The following NUAK1 variants were observed in gnomAD, a reference collection of about 807,000 sequenced individuals.
The protein encoded by NUAK1 is NUAK family kinase 1.
NUAK1 carries 26 observed loss-of-function variants against 56.9 expected under a neutral mutation model. The ratio of observed to expected loss-of-function variants is 0.46; its 90% CI spans 0.33 to 0.63. The LOEUF (loss-of-function observed/expected upper bound fraction) is 0.63. NUAK1 is among the 30% of genes least tolerant of loss of function. The pLI is 0.02. For missense variants in NUAK1, 727 were observed against 876.1 expected (o/e 0.83, Z 2.15); for synonymous variants, 337 against 336.0 (o/e 1.00, Z -0.03).
intron 1 of NUAK1, among the ~76,000 whole-genome samples, chr12:106,128,257 G>A (rs1407342127): frequency 6.6e-6 from 1 of 151,164 alleles, no homozygotes; most frequent in Non-Finnish European, 1.5e-5. Flanking sequence ...TCAGCCTACT[G>A]AGTAGTTGGG....
intron 1 of NUAK1, among the ~76,000 whole-genome samples, chr12:106,109,889 G>C (rs745809221): frequency 3.9e-5 from 6 of 152,180 alleles, no homozygotes; most frequent in Non-Finnish European, 8.8e-5. Flanking sequence ...CCCAGAGTGA[G>C]TGTTCTGTAA....
chr12:106,102,615 A>G (rs1380517986), intron 2 of NUAK1, among the ~76,000 whole-genome samples: 2 of 152,210 alleles, frequency 1.3e-5, no homozygotes, highest in Non-Finnish European at 2.9e-5. Context: ...ACCCCACGTT[A>G]TGAACTATTT....
intron 1 of NUAK1, among the ~76,000 whole-genome samples, chr12:106,107,744 C>CTGGTAACT (rs1216455438): frequency 3.3e-5 from 5 of 152,206 alleles, no homozygotes; most frequent in African/African-American, 1.2e-4. Context: ...CAGCTCTCCA[C>CTGGTAACT]CAAGCACTAC....
At chr12:106,072,104 A>C (rs1231812833) in intron 5 of NUAK1, among the ~76,000 whole-genome samples, 1 of 152,230 alleles carries the variant, frequency 6.6e-6, no homozygotes, top group Non-Finnish European at 1.5e-5. Context: ...ATGAATTAGA[A>C]GATGTCATTA....
At position 106,064,068 on chromosome 12, in the gene NUAK1, G is replaced by A. The variant is rs2032308446; in HGVS notation, c.*2734C>T. 6.6e-6 allele frequency: 1 copy of A among 152,654 alleles called. No individual in the cohort carries two copies. 9.5% of individuals were successfully genotyped at this position (152,654 alleles called of 1,614,324 possible). A position where few individuals can be genotyped will look rare whatever the true frequency, so the allele number is the denominator to read the frequency against. On this transcript the variant is annotated 3_prime_UTR_variant, in exon 7 of 7. Coordinates refer to ENST00000261402, the MANE Select transcript of NUAK1 (RefSeq NM_014840.3). ...GCAAGGCCCACAGAAGTAAGGAGAGGACCAGGAAAGCTGACAGTGAATCTC... is the reference window on the plus strand; with the variant it reads ...GCAAGGCCCACAGAAGTAAGGAGAGAACCAGGAAAGCTGACAGTGAATCTC...
intron 1 of NUAK1, among the ~76,000 whole-genome samples, chr12:106,126,559 G>A (rs1219868998): frequency 1.3e-5 from 2 of 152,212 alleles, no homozygotes; most frequent in African/African-American, 4.8e-5. Context: ...TCAGTGAGAT[G>A]ACACAGGCAA....
intron 1 of NUAK1, among the ~76,000 whole-genome samples, chr12:106,135,502 T>C (rs1185342831): frequency 6.6e-6 from 1 of 152,190 alleles, no homozygotes. Flanking sequence ...AACCATCACA[T>C]CCTCATTTTT....
At chr12:106,114,271 C>T (rs2032894879) in intron 1 of NUAK1, among the ~76,000 whole-genome samples, 1 of 152,166 alleles carries the variant, frequency 6.6e-6, no homozygotes, top group Admixed American at 6.5e-5. Context: ...CCAGAAGAAC[C>T]CGAGCCAGTA....
chr12:106,124,363 A>G (rs1462446273), intron 1 of NUAK1, among the ~76,000 whole-genome samples: 3 of 152,148 alleles, frequency 2.0e-5, no homozygotes, highest in African/African-American at 7.2e-5. Context: ...GAATTTTTAT[A>G]TCCTGGGATC....
chr12:106,128,123 CTTTTCT>C (rs1375680661), intron 1 of NUAK1, among the ~76,000 whole-genome samples: 1 of 140,600 alleles, frequency 7.1e-6, no homozygotes, highest in African/African-American at 2.9e-5. Context: ...CAAATTCTCT[CTTTTCT>C]TTTTCTTTTT....
chr12:106,127,859 G>A (rs2033038367), intron 1 of NUAK1, among the ~76,000 whole-genome samples: 1 of 152,116 alleles, frequency 6.6e-6, no homozygotes, highest in South Asian at 2.1e-4. Context: ...CACCTACTGT[G>A]TGCAATGCCC....
chr12:106,066,642 T>G lies in NUAK1; in HGVS notation c.*160A>C. The G allele has an allele frequency of 1.5e-6, 1 of 676,674 alleles. No individual in the cohort carries two copies. Among genetic ancestry groups the G allele is most frequent in the Non-Finnish European group, 2.6e-6 (1 of 387,208 alleles). 41.9% of individuals were successfully genotyped at this position (676,674 alleles called of 1,614,324 possible). A position where few individuals can be genotyped will look rare whatever the true frequency, so the allele number is the denominator to read the frequency against. On this transcript the variant is annotated 3_prime_UTR_variant, in exon 7 of 7. Coordinates refer to ENST00000261402, the MANE Select transcript of NUAK1 (RefSeq NM_014840.3). ...TGGCAGAAGAGCCCACCTCTCCCTT[T>G]TAGGTGTTGGCTCAAGGCTGCAAAC... is the stretch of plus-strand genomic sequence containing the variant.
intron 6 of NUAK1, 83 bp downstream of exon 6, chr12:106,070,691 C>A (rs2032396444): frequency 6.4e-7 from 1 of 1,562,228 alleles, no homozygotes; most frequent in Non-Finnish European, 8.8e-7. Flanking sequence ...GACAGACATA[C>A]TAAAACAAAA....
In NUAK1 at chr12:106,083,199, A is replaced by G. The variant is rs900110288; in HGVS notation, c.579+665T>C. Reference sequence around the variant, plus strand: ...CCATTTTAGTCAGCTTCCCAGGTCTATGGCTGGTTTCAGGGGTGGGAAGGT... The same window carrying G: ...CCATTTTAGTCAGCTTCCCAGGTCTGTGGCTGGTTTCAGGGGTGGGAAGGT... On this transcript the variant is annotated intron_variant, in intron 4 of 6. Coordinates refer to ENST00000261402, the MANE Select transcript of NUAK1 (RefSeq NM_014840.3). 1.5e-4 allele frequency among the ~76,000 whole-genome samples: 23 copies of G among 152,280 alleles called. 1 individual carries two copies. Among genetic ancestry groups the G allele is most frequent in the Admixed American group, 5.9e-4 (9 of 15,300 alleles).
chr12:106,089,172 G>A (rs922358180), intron 2 of NUAK1, among the ~76,000 whole-genome samples: 1 of 152,250 alleles, frequency 6.6e-6, no homozygotes, highest in African/African-American at 2.4e-5. Flanking sequence ...AGAGGGCAGC[G>A]GGTTTTCTAA....
Position 106,070,792 on chromosome 12 carries a change from C to G in NUAK1, c.814G>C (p.Glu272Gln). 1 of 1,614,190 alleles carries G rather than the reference C, an allele frequency of 6.2e-7. No homozygotes were observed. Among genetic ancestry groups the G allele is most frequent in the Non-Finnish European group, 8.5e-7 (1 of 1,180,042 alleles). The change falls in exon 6 of 7, where the codon GAG becomes CAG. Residue 272 changes from glutamate to glutamine, a missense_variant. Physicochemically the swap from Glu to Gln is conservative, Grantham distance 29. Transcript: ENST00000261402. ...IRQISSGEYR[E>Q]PTQPSDARGL... ...CACGCACCTGAGGGCTGTGTTGGCTCCCGGTACTCTCCGCTGCTGATTTGC... is the reference window on the plus strand; with the variant it reads ...CACGCACCTGAGGGCTGTGTTGGCTGCCGGTACTCTCCGCTGCTGATTTGC...
intron 2 of NUAK1, among the ~76,000 whole-genome samples, chr12:106,091,806 A>AC (rs2032638349): frequency 1.3e-5 from 2 of 152,178 alleles, no homozygotes; most frequent in Admixed American, 1.3e-4. Context: ...AAGAATAGTT[A>AC]ATATTTATTG....
intron 4 of NUAK1, among the ~76,000 whole-genome samples, chr12:106,075,042 T>G (rs1470789933): frequency 4.6e-5 from 7 of 152,116 alleles, no homozygotes; most frequent in Non-Finnish European, 1.0e-4. Flanking sequence ...TACACGTGCG[T>G]GTGAGAGGCA....
Position 106,066,793 on chromosome 12 carries a change from C to A in NUAK1, c.*9G>T. On this transcript the variant is annotated 3_prime_UTR_variant, in exon 7 of 7. Coordinates refer to ENST00000261402, the MANE Select transcript of NUAK1 (RefSeq NM_014840.3). The stretch of plus-strand genomic sequence containing the variant: ...CGTACCCCCGCCCGCCCCTGGGCGC[C>A]CTGGAATGCTAGTTGAGCTTGCTGC... 2 of 1,598,758 alleles carry A rather than the reference C, an allele frequency of 1.3e-6. No individual in the cohort carries two copies. Among genetic ancestry groups the A allele is most frequent in the Non-Finnish European group, 1.7e-6 (2 of 1,169,874 alleles).
Sources: gnomAD v4.1 joint callset for allele counts (sites outside exome capture counted in the v4.1 genomes callset) on GRCh38, gnomAD v4.1.1 for gene constraint, MANE v1.5 for transcripts, NCBI Gene and HGNC (gene_info 2026-07-23, HGNC 2026-07-21) for gene names.